The following PYGB variants were observed in gnomAD, a reference collection of about 807,000 sequenced individuals.
PYGB encodes glycogen phosphorylase B, also known as glycogen phosphorylase, brain form.
A neutral mutation model predicts 94.3 loss-of-function variants in PYGB; 82 were observed. That is an observed-to-expected ratio of 0.87 (90% CI 0.73 to 1.04). The LOEUF (loss-of-function observed/expected upper bound fraction) is 1.04. Among genes scored for constraint, PYGB ranks in the 50% least tolerant of loss-of-function variants. The pLI is 0.00. For synonymous variants in PYGB, 488 were observed against 479.1 expected (o/e 1.02, Z -0.24); for missense variants, 1,132 against 1,158.2 (o/e 0.98, Z 0.33).
chr20:25,280,363 T>C lies in PYGB; in HGVS notation c.1190T>C (p.Leu397Pro). The change falls in exon 10 of 20, where the codon CTG becomes CCG. Residue 397 changes from leucine to proline, a missense_variant. Coordinates refer to ENST00000216962, the MANE Select transcript of PYGB (RefSeq NM_002862.4). ...CCCGTGTCCATGTTTGAGAAGCTGC[T>C]GCCGCGGCACCTGGAGATAATCTAT... ...RWPVSMFEKL[L>P]PRHLEIIYAI... The C allele has an allele frequency of 6.2e-7, 1 of 1,614,194 alleles. No individual in the cohort carries two copies. Among genetic ancestry groups the C allele is most frequent in the South Asian group, 1.1e-5 (1 of 91,088 alleles).
At chr20:25,287,013 A>G (rs774872836) in intron 14 of PYGB, among the ~76,000 whole-genome samples, 48 of 152,326 alleles carry the variant, frequency 3.2e-4, no homozygotes, top group South Asian at 8.3e-4. Flanking sequence ...TGGGTGGTAC[A>G]CATCAGCCCG....
chr20:25,266,097 T>C (rs2474767), intron 2 of PYGB, among the ~76,000 whole-genome samples: 86,684 of 151,404 alleles, frequency 0.57, 26,377 homozygotes, highest in East Asian at 0.98. Flanking sequence ...GTTATCTGCC[T>C]GCCTTGGCCT....
At chr20:25,292,196 C>T (rs1453608787) in intron 16 of PYGB, among the ~76,000 whole-genome samples, 1 of 152,196 alleles carries the variant, frequency 6.6e-6, no homozygotes, top group African/African-American at 2.4e-5. Flanking sequence ...CAAGGATGCC[C>T]CAGTCACGAA....
chr20:25,278,568 T>C, intron 8 of PYGB, 106 bp downstream of exon 8: 1 of 1,430,934 alleles, frequency 7.0e-7, no homozygotes, highest in Admixed American at 2.2e-5. Flanking sequence ...GAATGGTACA[T>C]GCCCCTTGTC....
intron 1 of PYGB, among the ~76,000 whole-genome samples, chr20:25,256,649 G>A (rs1444613657): frequency 6.6e-6 from 1 of 152,252 alleles, no homozygotes; most frequent in Admixed American, 6.5e-5. Flanking sequence ...GAGCTGCTGA[G>A]CAGGGAGGTT....
chr20:25,272,858 C>T lies in PYGB; in HGVS notation c.528+1372C>T, dbSNP rs1352965985. Among the ~76,000 whole-genome samples the T allele has an allele frequency of 6.6e-5, 10 of 152,336 alleles. 1 individual carries two copies. The South Asian group carries it at 2.1e-3, about 32-fold the overall frequency. Reference sequence around the variant, plus strand: ...CACGTGTGGGTTTATAAGGCAGAAGCTCAGAGGCTCCCCTTCGCCTAGCTG... The same window carrying T: ...CACGTGTGGGTTTATAAGGCAGAAGTTCAGAGGCTCCCCTTCGCCTAGCTG... On this transcript the variant is annotated intron_variant, in intron 4 of 19. Transcript: ENST00000216962.
At chr20:25,283,398 G>T in intron 13 of PYGB, 121 bp downstream of exon 13, 1 of 835,088 alleles carries the variant, frequency 1.2e-6, no homozygotes, top group Non-Finnish European at 1.8e-6. Context: ...GGGCTTTAGT[G>T]GGGACTCAGA....
intron 3 of PYGB, 128 bp downstream of exon 3, chr20:25,269,335 C>T (rs1306498574): frequency 4.6e-6 from 3 of 653,114 alleles, no homozygotes; most frequent in Non-Finnish European, 5.2e-6. Context: ...CCAGTGTGTT[C>T]TTCAGATTGA....
intron 1 of PYGB, among the ~76,000 whole-genome samples, chr20:25,250,038 A>T (rs2092883162): frequency 6.6e-6 from 1 of 152,058 alleles, no homozygotes; most frequent in South Asian, 2.1e-4. Context: ...TTTAGTAGAG[A>T]CGGGGTTTCA....
chr20:25,256,386 T>TAA (rs796327825), intron 1 of PYGB, among the ~76,000 whole-genome samples: 88 of 140,610 alleles, frequency 6.3e-4, no homozygotes, highest in African/African-American at 2.1e-3. Context: ...TAAACTCTGT[T>TAA]AAAAAAAAAA....
chr20:25,290,696 T>A, intron 16 of PYGB, 74 bp downstream of exon 16: 1 of 1,557,526 alleles, frequency 6.4e-7, no homozygotes, highest in South Asian at 1.1e-5. Context: ...GCCCCGGGCC[T>A]TTCATCCTCA....
At chr20:25,276,794 T>G (rs1246427183) in intron 6 of PYGB, 37 bp downstream of exon 6, 1 of 1,580,416 alleles carries the variant, frequency 6.3e-7, no homozygotes, top group Non-Finnish European at 8.7e-7. Flanking sequence ...TGTGTCCATG[T>G]GGGTGGCTGG....
At chr20:25,258,808 C>T (rs915976757) in intron 1 of PYGB, among the ~76,000 whole-genome samples, 2 of 152,264 alleles carry the variant, frequency 1.3e-5, no homozygotes, top group South Asian at 2.1e-4. Flanking sequence ...CAGGGCTTTC[C>T]ATTGAGTACT....
intron 8 of PYGB, among the ~76,000 whole-genome samples, 165 bp downstream of exon 8, chr20:25,278,627 C>T (rs889437993): frequency 1.3e-5 from 2 of 152,186 alleles, no homozygotes. Flanking sequence ...CCCTCCCTTC[C>T]AGAACAAGGG....
chr20:25,296,690 G>A lies in PYGB; in HGVS notation c.*168G>A. 1.1e-6 allele frequency: 1 copy of A among 882,380 alleles called. No homozygotes were observed. 54.7% of individuals were successfully genotyped at this position (882,380 alleles called of 1,614,324 possible). A position where few individuals can be genotyped will look rare whatever the true frequency, so the allele number is the denominator to read the frequency against. On this transcript the variant is annotated 3_prime_UTR_variant, in exon 20 of 20. Transcript: ENST00000216962. ...GGTGGTTTTGAGAGAGCAGGGTAAGGAAGGAATGTGCTAGAAGTGCTCCTA... is the reference window on the plus strand; with the variant it reads ...GGTGGTTTTGAGAGAGCAGGGTAAGAAAGGAATGTGCTAGAAGTGCTCCTA...
chr20:25,276,761 C>T lies in PYGB; in HGVS notation c.772+4C>T, dbSNP rs200633965. ...AACGACTTCAAGCTGCAGGACTGTA[C>T]GTTCCGTGGTTCTTGGCACCCTTGT... is the stretch of plus-strand genomic sequence containing the variant. On this transcript the variant is annotated splice_donor_region_variant and intron_variant, in intron 6 of 19. Coordinates refer to ENST00000216962, the MANE Select transcript of PYGB (RefSeq NM_002862.4). The T allele has an allele frequency of 6.8e-5, 109 of 1,612,378 alleles. No individual in the cohort carries two copies. Among genetic ancestry groups the T allele is most frequent in the African/African-American group, 4.3e-4 (32 of 74,918 alleles).
At chr20:25,259,164 T>A (rs537730850) in intron 1 of PYGB, 73 bp from the exon 2 acceptor site, 449 of 1,301,614 alleles carry the variant, frequency 3.4e-4, no homozygotes, top group Non-Finnish European at 4.8e-4. Flanking sequence ...GCTTCATGGG[T>A]CGTGTCATCT....
At chr20:25,276,618 C>G (rs752202277) in intron 5 of PYGB, 28 bp from the exon 6 acceptor site, 1 of 1,596,450 alleles carries the variant, frequency 6.3e-7, no homozygotes, top group Non-Finnish European at 8.6e-7. Context: ...CTTGCCACTC[C>G]GTCCTGAGCA....
At chr20:25,280,540 G>A in intron 10 of PYGB, 128 bp downstream of exon 10, 1 of 1,273,526 alleles carries the variant, frequency 7.9e-7, no homozygotes. Flanking sequence ...GAGGATGCTT[G>A]GGGCTGGGGG....
Sources: gnomAD v4.1 joint callset for allele counts (sites outside exome capture counted in the v4.1 genomes callset) on GRCh38, gnomAD v4.1.1 for gene constraint, MANE v1.5 for transcripts, NCBI Gene and HGNC (gene_info 2026-07-23, HGNC 2026-07-21) for gene names.